Variants in IL13RA1 observed in about 807,000 individuals in gnomAD.
IL13RA1 encodes interleukin-13 receptor subunit alpha-1.
In IL13RA1, 14 loss-of-function variants were observed where a neutral mutation model predicts 33.8. The observed-to-expected ratio is 0.41, with a 90% confidence interval of 0.27 to 0.65. IL13RA1 has a LOEUF of 0.65. IL13RA1 is among the 30% of genes least tolerant of loss of function. The pLI is 0.28. For missense variants in IL13RA1, 313 were observed against 327.0 expected (o/e 0.96, Z 0.33); for synonymous variants, 116 against 115.7 (o/e 1.00, Z -0.02).
intron 10 of IL13RA1, among the ~76,000 whole-genome samples, chrX:118,777,473 T>C (rs1458584925): frequency 1.8e-5 from 2 of 112,016 alleles, no homozygotes; most frequent in African/African-American, 3.2e-5. Flanking sequence ...ATTCTCTCTC[T>C]GGTTAGGAGA....
intron 4 of IL13RA1, among the ~76,000 whole-genome samples, chrX:118,754,386 C>T (rs749543978): frequency 2.1e-4 from 23 of 110,992 alleles, no homozygotes; most frequent in African/African-American, 6.6e-4. Flanking sequence ...GCCTGTAATC[C>T]CAGCACTTTG....
chrX:118,786,692 C>T (rs745524279), intron 10 of IL13RA1, among the ~76,000 whole-genome samples: 88 of 112,097 alleles, frequency 7.9e-4, no homozygotes, highest in African/African-American at 2.7e-3. Flanking sequence ...TACCTTTCTG[C>T]TTTGATCTAG....
intron 4 of IL13RA1, among the ~76,000 whole-genome samples, chrX:118,750,139 G>A (rs965693692): frequency 1.8e-5 from 2 of 110,806 alleles, no homozygotes; most frequent in Non-Finnish European, 3.8e-5. Context: ...ACATGCACTC[G>A]TGTGTGTGTA....
intron 6 of IL13RA1, among the ~76,000 whole-genome samples, chrX:118,765,089 A>G (rs1399748169): frequency 9.0e-6 from 1 of 110,954 alleles, no homozygotes; most frequent in Non-Finnish European, 1.9e-5. Flanking sequence ...ATGGAATTAT[A>G]TAGAACGTAC....
chrX:118,798,560 T>G (rs187577731), downstream of IL13RA1, among the ~76,000 whole-genome samples: 3 of 111,949 alleles, frequency 2.7e-5, no homozygotes, highest in Admixed American at 9.4e-5. Context: ...CTGAAATGGT[T>G]GTTCTCTAGG....
chrX:118,791,837 A>G lies in IL13RA1; in HGVS notation c.1267A>G (p.Lys423Glu), dbSNP rs777218700. The G allele has an allele frequency of 2.1e-6, 2 of 965,034 alleles. No homozygotes were observed. The allele number at this position is 965,034 out of a possible 1,213,427, so 79.5% of individuals were successfully genotyped here. A position where few individuals can be genotyped will look rare whatever the true frequency, so the allele number is the denominator to read the frequency against. ...TDSVVLIENL[K>E]KASQ Reference sequence around the variant, plus strand: ...CTCTGTAGTGCTGATAGAAAACCTGAAGAAAGCCTCTCAGTGATGGAGATA... The same window carrying G: ...CTCTGTAGTGCTGATAGAAAACCTGGAGAAAGCCTCTCAGTGATGGAGATA... The change falls in exon 11 of 11, where the codon AAG (lysine) becomes GAG (glutamate). Residue 423 changes from lysine to glutamate, a missense_variant. By Grantham distance (56) the Lys-to-Glu change is moderately conservative. Transcript: ENST00000371666.
intron 10 of IL13RA1, among the ~76,000 whole-genome samples, chrX:118,784,137 A>ATATG (rs2017887707): frequency 2.4e-5 from 2 of 82,551 alleles, no homozygotes; most frequent in Admixed American, 1.6e-4. Flanking sequence ...ATGTATATAT[A>ATATG]TATATATATA....
chrX:118,797,759 C>G (rs1391120563), downstream of IL13RA1, among the ~76,000 whole-genome samples: 1 of 111,948 alleles, frequency 8.9e-6, no homozygotes, highest in Non-Finnish European at 1.9e-5. Flanking sequence ...AGCCAAAGCA[C>G]AAAAAGGGCT....
At chrX:118,796,716 A>G (rs1425914376), downstream of IL13RA1, among the ~76,000 whole-genome samples, 1 of 111,433 alleles carries the variant, frequency 9.0e-6, no homozygotes, top group Non-Finnish European at 1.9e-5. Context: ...TTGTATTTTT[A>G]GTAGAGATGG....
the IL13RA1 span, among the ~76,000 whole-genome samples, chrX:118,800,145 C>G: frequency 9.0e-6 from 1 of 111,251 alleles, no homozygotes; most frequent in Non-Finnish European, 1.9e-5. Context: ...GTATCTAGCT[C>G]AGGGATTGTA....
intron 5 of IL13RA1, among the ~76,000 whole-genome samples, chrX:118,760,574 C>A (rs185165400): frequency 1.5e-3 from 165 of 112,306 alleles, no homozygotes; most frequent in Non-Finnish European, 2.6e-3. Flanking sequence ...TTCATATCAT[C>A]TGCTAGATAC....
Position 118,749,665 on chromosome X carries a change from T to C in IL13RA1, c.375T>C (p.Pro125=). ...EKCISPPEGD[P]ESAVTELQCI... ...TTGGCCTGGATATTCTAGGTGATCCTGAGTCTGCTGTGACTGAGCTTCAAT... is the reference window on the plus strand; with the variant it reads ...TTGGCCTGGATATTCTAGGTGATCCCGAGTCTGCTGTGACTGAGCTTCAAT... Residue 125 remains proline (P), a synonymous_variant, in exon 4 of 11, where the codon CCT becomes CCC. Transcript: ENST00000371666. 8.3e-7 allele frequency: 1 copy of C among 1,207,724 alleles called. No individual in the cohort carries two copies. Among genetic ancestry groups the C allele is most frequent in the Non-Finnish European group, 1.1e-6 (1 of 891,717 alleles).
intron 2 of IL13RA1, among the ~76,000 whole-genome samples, chrX:118,742,627 G>A (rs2017356854): frequency 8.9e-6 from 1 of 112,062 alleles, no homozygotes; most frequent in Non-Finnish European, 1.9e-5. Flanking sequence ...TTAGGAGACA[G>A]TAGAATCAGA....
rs766378946 is a variant in IL13RA1 at position 118,740,040 on chromosome X, C to T, written c.89-977C>T. Among the ~76,000 whole-genome samples, 7 of 112,467 alleles carry T rather than the reference C, an allele frequency of 6.2e-5. No homozygotes were observed. The East Asian group carries it at 2.0e-3, about 31-fold the overall frequency. On this transcript the variant is annotated intron_variant, in intron 1 of 10. Coordinates refer to ENST00000371666, the MANE Select transcript of IL13RA1 (RefSeq NM_001560.3). Reference sequence around the variant, plus strand: ...ACTGCAGCGGCATGATCTTGGCTCACTGCAGCCTCAAACTCCCGGGCTCAA... The same window carrying T: ...ACTGCAGCGGCATGATCTTGGCTCATTGCAGCCTCAAACTCCCGGGCTCAA...
rs765940979 is a variant in IL13RA1, at chrX:118,741,070, G to A, written c.142G>A (p.Val48Ile). 3.6e-6 allele frequency: 4 copies of A among 1,099,216 alleles called. No individual in the cohort carries two copies. The East Asian group carries it at 1.2e-4, about 33-fold the overall frequency. 90.6% of individuals were successfully genotyped at this position (1,099,216 alleles called of 1,213,427 possible). A position where few individuals can be genotyped will look rare whatever the true frequency, so the allele number is the denominator to read the frequency against. ...LSVSVENLCT[V>I]IWTWNPPEGA... ...TGTCTCTGTTGAAAACCTCTGCACAGTAATATGGACATGGAATCCACCCGA... is the reference window on the plus strand; with the variant it reads ...TGTCTCTGTTGAAAACCTCTGCACAATAATATGGACATGGAATCCACCCGA... The change falls in exon 2 of 11, where the codon GTA becomes ATA. Residue 48 changes from valine (V) to isoleucine (I), a missense_variant. Val to Ile is a conservative substitution (Grantham distance 29). Coordinates refer to ENST00000371666, the MANE Select transcript of IL13RA1 (RefSeq NM_001560.3).
At chrX:118,770,593 G>A (rs764471508) in intron 8 of IL13RA1, 29 of 475,227 alleles carry the variant, frequency 6.1e-5, no homozygotes, top group Non-Finnish European at 9.8e-5. Flanking sequence ...CAAGCTGTAC[G>A]GGCACATCCG....
intron 10 of IL13RA1, among the ~76,000 whole-genome samples, chrX:118,785,020 C>CT (rs113880657): frequency 4.2e-4 from 44 of 104,561 alleles, no homozygotes; most frequent in East Asian, 1.8e-3. Flanking sequence ...AATTTTAGAT[C>CT]TTTTTTTTTT....
At chrX:118,737,299 T>G (rs1438287351) in intron 1 of IL13RA1, among the ~76,000 whole-genome samples, 2 of 112,651 alleles carry the variant, frequency 1.8e-5, no homozygotes, top group African/African-American at 6.4e-5. Context: ...TGACATTGAT[T>G]GAAATTTATG....
At chrX:118,732,225 G>A (rs772596776) in intron 1 of IL13RA1, among the ~76,000 whole-genome samples, 1 of 109,966 alleles carries the variant, frequency 9.1e-6, no homozygotes, top group East Asian at 2.9e-4. Flanking sequence ...CCTGCCCCTA[G>A]CCCCTGGCAA....
Sources: gnomAD v4.1 joint callset for allele counts (sites outside exome capture counted in the v4.1 genomes callset) on GRCh38, gnomAD v4.1.1 for gene constraint, MANE v1.5 for transcripts, NCBI Gene and HGNC (gene_info 2026-07-23, HGNC 2026-07-21) for gene names.